The following PARPBP variants were observed in gnomAD, a reference collection of about 807,000 sequenced individuals.
PARPBP encodes PARP1 binding protein, also known as PCNA-interacting partner.
A neutral mutation model predicts 50.0 loss-of-function variants in PARPBP; 52 were observed. The observed-to-expected ratio is 1.04, with a 90% CI of 0.83 to 1.31. PARPBP has a LOEUF of 1.31. PARPBP is among the 50% of genes most tolerant of loss of function. The probability of loss-of-function intolerance (pLI) is 0.00; values close to 1 mark genes in which losing one functional copy is unlikely to be tolerated. For missense variants in PARPBP, 697 were observed against 672.0 expected (o/e 1.04, Z -0.41); for synonymous variants, 244 against 232.1 (o/e 1.05, Z -0.47).
chr12:102,129,783 G>T (rs890327360), intron 2 of PARPBP, among the ~76,000 whole-genome samples: 2 of 152,074 alleles, frequency 1.3e-5, no homozygotes, highest in Non-Finnish European at 2.9e-5. Flanking sequence ...GAATGAGGTT[G>T]CATTCCTGAT....
intron 9 of PARPBP, among the ~76,000 whole-genome samples, chr12:102,190,435 A>T (rs1890692340): frequency 6.6e-6 from 1 of 152,084 alleles, no homozygotes; most frequent in Admixed American, 6.6e-5. Context: ...GAGGTGCAAT[A>T]ATATAAATGG....
chr12:102,182,656 G>A lies in PARPBP; in HGVS notation c.1263+29G>A, dbSNP rs139548402. On this transcript the variant is annotated intron_variant, in intron 9 of 10. Transcript: ENST00000327680. ...CAATTTAATGCATGCCATGAAAATA[G>A]CAAACACTGTTTTATTTTTAGAAGA... The A allele has an allele frequency of 1.1e-5, 15 of 1,383,638 alleles. No individual in the cohort carries two copies. In the African/African-American group the frequency reaches 2.1e-4, roughly 20 times the overall value. The allele number at this position is 1,383,638 out of a possible 1,614,324, so 85.7% of individuals were successfully genotyped here.
At chr12:102,164,799 C>T (rs1331680978) in intron 5 of PARPBP, 191 bp downstream of exon 5, 1 of 604,716 alleles carries the variant, frequency 1.7e-6, no homozygotes, top group East Asian at 2.8e-5. Context: ...TTCTCTAAAG[C>T]AGTGTTTCCT....
chr12:102,187,394 A>C (rs1209820831), intron 9 of PARPBP, among the ~76,000 whole-genome samples: 1 of 152,036 alleles, frequency 6.6e-6, no homozygotes, highest in South Asian at 2.1e-4. Flanking sequence ...TAGAAGTGGC[A>C]ATGGAAGAGG....
At chr12:102,127,087 C>A (rs150892776) in intron 2 of PARPBP, among the ~76,000 whole-genome samples, 3 of 152,218 alleles carry the variant, frequency 2.0e-5, no homozygotes, top group East Asian at 3.9e-4. Flanking sequence ...TTATCTTACA[C>A]GTGGCAGTCA....
chr12:102,134,238 C>CAAAAA (rs771158918), intron 2 of PARPBP, among the ~76,000 whole-genome samples: 1 of 91,334 alleles, frequency 1.1e-5, no homozygotes, highest in African/African-American at 3.8e-5. Flanking sequence ...AGAGAAGCCT[C>CAAAAA]AAAAAAAAAA....
chr12:102,129,366 T>C (rs1478815599), intron 2 of PARPBP, among the ~76,000 whole-genome samples: 3 of 152,184 alleles, frequency 2.0e-5, no homozygotes, highest in Non-Finnish European at 2.9e-5. Flanking sequence ...TTTTATCTGA[T>C]ACATGATTTG....
chr12:102,150,630 C>G (rs1886065069), intron 3 of PARPBP, among the ~76,000 whole-genome samples: 1 of 152,142 alleles, frequency 6.6e-6, no homozygotes, highest in Admixed American at 6.5e-5. Flanking sequence ...CATACAAGGC[C>G]TTAGATTGTA....
chr12:102,142,345 T>G (rs948382069), intron 2 of PARPBP, among the ~76,000 whole-genome samples: 1 of 152,240 alleles, frequency 6.6e-6, no homozygotes, highest in Non-Finnish European at 1.5e-5. Context: ...TCAGGTCATT[T>G]AAGGTATTCT....
intron 4 of PARPBP, among the ~76,000 whole-genome samples, chr12:102,160,355 A>G (rs12372134): frequency 0.053 from 8,131 of 152,296 alleles, 282 homozygotes; most frequent in Middle Eastern, 0.088. Flanking sequence ...TTTGTACCCA[A>G]TTAGGATCAG....
intron 2 of PARPBP, among the ~76,000 whole-genome samples, chr12:102,141,186 A>G (rs1026303211): frequency 7.2e-5 from 11 of 152,158 alleles, no homozygotes; most frequent in African/African-American, 2.7e-4. Flanking sequence ...GTGCATATAT[A>G]TTTAGGATAG....
Position 102,143,558 on chromosome 12 carries a change from G to C in PARPBP, c.154-4672G>C, listed in dbSNP as rs572099599. On this transcript the variant is annotated intron_variant, in intron 2 of 10. Coordinates refer to ENST00000327680, the MANE Select transcript of PARPBP (RefSeq NM_017915.5). ...AATGCAGAAATCACTCATCTTCTGC[G>C]TCGCTCATACTGGGAGCTGTAGACT... 3.3e-5 allele frequency among the ~76,000 whole-genome samples: 5 copies of C among 152,294 alleles called. No individual in the cohort carries two copies. The East Asian group carries it at 9.6e-4, about 29-fold the overall frequency.
intron 2 of PARPBP, among the ~76,000 whole-genome samples, chr12:102,136,787 A>G (rs983146094): frequency 2.6e-5 from 4 of 152,244 alleles, no homozygotes; most frequent in South Asian, 2.1e-4. Flanking sequence ...ACTTCCAAGC[A>G]GTATGAAACA....
At chr12:102,192,395 A>G (rs186609347) in intron 9 of PARPBP, among the ~76,000 whole-genome samples, 1 of 152,074 alleles carries the variant, frequency 6.6e-6, no homozygotes, top group Non-Finnish European at 1.5e-5. Context: ...TCTAGTTAGT[A>G]AGTAATACGG....
intron 1 of PARPBP, among the ~76,000 whole-genome samples, chr12:102,122,914 A>G (rs374975087): frequency 1.9e-4 from 29 of 152,348 alleles, no homozygotes; most frequent in African/African-American, 6.7e-4. Context: ...TAGTTATTTT[A>G]TTGGTTATGT....
chr12:102,124,341 T>C (rs533039195), intron 2 of PARPBP, among the ~76,000 whole-genome samples: 1 of 152,334 alleles, frequency 6.6e-6, no homozygotes, highest in East Asian at 1.9e-4. Flanking sequence ...AAATTATTTT[T>C]ATTTAATAAG....
intron 6 of PARPBP, among the ~76,000 whole-genome samples, chr12:102,171,824 G>C (rs1252233364): frequency 1.3e-5 from 2 of 151,128 alleles, no homozygotes; most frequent in Non-Finnish European, 2.9e-5. Context: ...AGCCGAGATC[G>C]CGCCACTGCT....
chr12:102,178,548 C>G (rs746759791), intron 7 of PARPBP, 44 bp from the exon 8 acceptor site: 1 of 1,304,876 alleles, frequency 7.7e-7, no homozygotes, highest in Non-Finnish European at 1.1e-6. Context: ...ATTCACCCAG[C>G]TGGGGTGATT....
At chr12:102,160,046 G>A (rs1594554155) in intron 4 of PARPBP, among the ~76,000 whole-genome samples, 2 of 152,308 alleles carry the variant, frequency 1.3e-5, no homozygotes, top group African/African-American at 4.8e-5. Flanking sequence ...TCTTGTGGAT[G>A]TTTTCAATTT....
Sources: allele counts gnomAD v4.1 joint callset (sites outside exome capture counted in the v4.1 genomes callset), GRCh38; gene constraint gnomAD v4.1.1; transcripts MANE v1.5; gene names NCBI Gene and HGNC (gene_info 2026-07-23, HGNC 2026-07-21).